The following CAGE1 variants were observed in gnomAD, a reference collection of about 807,000 sequenced individuals.
CAGE1 encodes cancer-associated gene 1 protein.
CAGE1 carries 66 observed loss-of-function variants against 94.9 expected under a neutral mutation model. The ratio of observed to expected loss-of-function variants is 0.70; its 90% CI spans 0.57 to 0.85. CAGE1 has a LOEUF of 0.85. CAGE1 is among the 40% of genes least tolerant of loss of function. The pLI, the probability that CAGE1 is intolerant of heterozygous loss-of-function variation, is 0.00. For missense variants in CAGE1, 865 were observed against 950.4 expected (o/e 0.91, Z 1.18); for synonymous variants, 319 against 321.0 (o/e 0.99, Z 0.07).
intron 10 of CAGE1, 29 bp from the exon 11 acceptor site, chr6:7,355,140 T>TGG: frequency 6.8e-7 from 1 of 1,476,330 alleles, no homozygotes; most frequent in Non-Finnish European, 9.3e-7. Flanking sequence ...AACCAATTAT[T>TGG]TTTCATTCTA....
intron 3 of CAGE1, among the ~76,000 whole-genome samples, chr6:7,384,704 T>C (rs1277862869): frequency 6.6e-6 from 1 of 151,690 alleles, no homozygotes; most frequent in Non-Finnish European, 1.5e-5. Flanking sequence ...TGGGGTTAAA[T>C]CAACACACAG....
intron 5 of CAGE1, among the ~76,000 whole-genome samples, chr6:7,370,466 C>A (rs1370965773): frequency 6.6e-6 from 1 of 151,946 alleles, no homozygotes; most frequent in African/African-American, 2.4e-5. Context: ...GCTAATTTTT[C>A]AAATTTTTTG....
chr6:7,339,407 T>G lies in CAGE1; in HGVS notation c.2370-5317A>C. ...CCTTCTCACCAAGAACATTCTGTGTTCTGGTGGCTAAGACAATGATTTCTG... is the reference window on the plus strand; with the variant it reads ...CCTTCTCACCAAGAACATTCTGTGTGCTGGTGGCTAAGACAATGATTTCTG... On this transcript the variant is annotated intron_variant, in intron 11 of 13. Transcript: ENST00000502583. The surrounding 1 kb of genome is among the most constrained non-coding windows in gnomAD (Gnocchi z 4.7). 4 of 1,573,976 alleles carry G rather than the reference T, an allele frequency of 2.5e-6. No individual in the cohort carries two copies. Among genetic ancestry groups the G allele is most frequent in the Non-Finnish European group, 3.5e-6 (4 of 1,144,652 alleles).
At chr6:7,370,322 G>T (rs1760496536) in intron 5 of CAGE1, among the ~76,000 whole-genome samples, 1 of 152,126 alleles carries the variant, frequency 6.6e-6, no homozygotes, top group East Asian at 1.9e-4. Flanking sequence ...TTGAGCCAGG[G>T]TCTCACTGTC....
intron 9 of CAGE1, among the ~76,000 whole-genome samples, chr6:7,357,675 T>G (rs377005597): frequency 6.6e-6 from 1 of 152,116 alleles, no homozygotes; most frequent in East Asian, 1.9e-4. Context: ...AAATACAACA[T>G]TTTGAGTTTC....
intron 1 of CAGE1, among the ~76,000 whole-genome samples, chr6:7,388,010 G>A (rs371651063): frequency 1.5e-3 from 218 of 147,568 alleles, no homozygotes; most frequent in Middle Eastern, 0.014. Flanking sequence ...TCCAGCCTGG[G>A]TGACAGAGCA....
chr6:7,372,827 C>T (rs947268701), intron 5 of CAGE1, among the ~76,000 whole-genome samples: 1 of 152,080 alleles, frequency 6.6e-6, no homozygotes, highest in African/African-American at 2.4e-5. Flanking sequence ...CACCACCATG[C>T]ATGACAGATT....
In CAGE1 at chr6:7,329,888, T is replaced by C. The variant is rs1758684888; in HGVS notation, c.2439A>G (p.Arg813=). The change falls in exon 13 of 14, where the codon AGA becomes AGG. Residue 813 remains arginine (R), a splice_region_variant and synonymous_variant. Transcript: ENST00000502583. ...TCGGATGATTTTCTAAGCTTTTTGA[T>C]CTGTAAGAAATAGAAAGAAAATAAT... ...RKPREKARKP[R]SKSLENHPKS... The C allele has an allele frequency of 1.4e-6, 2 of 1,410,218 alleles. No homozygotes were observed. Among genetic ancestry groups the C allele is most frequent in the Non-Finnish European group, 2.0e-6 (2 of 1,009,662 alleles). The allele number at this position is 1,410,218 out of a possible 1,614,324, so 87.4% of individuals were successfully genotyped here.
chr6:7,389,151 A>AAACTCGCAAAC (rs1761244472), intron 1 of CAGE1, 51 bp downstream of exon 1: 1 of 408,292 alleles, frequency 2.4e-6, no homozygotes, highest in Admixed American at 2.8e-5. Flanking sequence ...AGTTACTCGC[A>AAACTCGCAAAC]AAAACTATAG....
chr6:7,381,488 C>A (rs997410272), intron 3 of CAGE1, among the ~76,000 whole-genome samples: 1 of 151,824 alleles, frequency 6.6e-6, no homozygotes, highest in African/African-American at 2.4e-5. Flanking sequence ...TATGGCAGCC[C>A]CAGTAAACTA....
rs575303190 is a variant in CAGE1 at position 7,369,454 on chromosome 6, C to A, written c.1893+465G>T. ...GTTACACAGCTAGGAAATGATAAGC[C>A]AGCATCTGAACTCATCTGACAGCAA... On this transcript the variant is annotated intron_variant, in intron 6 of 13. Coordinates refer to ENST00000502583, the MANE Select transcript of CAGE1 (RefSeq NM_001170692.2). Among the ~76,000 whole-genome samples the A allele has an allele frequency of 1.9e-4, 29 of 152,256 alleles. No homozygotes were observed. In the South Asian group the frequency reaches 5.0e-3, roughly 26 times the overall value.
rs1397637400 is a variant in CAGE1, at chr6:7,333,632, ATCTAAC to A, written c.2438+384_2438+389del. 4.6e-3 allele frequency among the ~76,000 whole-genome samples: 291 copies of A among 63,490 alleles called. 2 individuals are homozygous for A. Among genetic ancestry groups the A allele is most frequent in the African/African-American group, 0.026 (269 of 10,360 alleles). 41.7% of individuals were successfully genotyped at this position (63,490 alleles called of 152,430 possible). On this transcript the variant is annotated intron_variant, in intron 12 of 13. Transcript: ENST00000502583. ...TTTTTTAAGTATTATCTAACTATCT[ATCTAAC>A]TATCTATATATATATATATATATAT...
chr6:7,328,362 T>C (rs527706500), intron 13 of CAGE1, among the ~76,000 whole-genome samples: 1 of 152,298 alleles, frequency 6.6e-6, no homozygotes, highest in African/African-American at 2.4e-5. Context: ...AAGGGTATAG[T>C]GTGAGCACAT....
chr6:7,351,896 C>G (rs915926525), intron 11 of CAGE1, among the ~76,000 whole-genome samples: 1 of 152,106 alleles, frequency 6.6e-6, no homozygotes, highest in Admixed American at 6.6e-5. Context: ...GTAATAAAAG[C>G]CATCTATGAC....
intron 11 of CAGE1, among the ~76,000 whole-genome samples, chr6:7,345,146 TA>T (rs1759400223): frequency 2.4e-5 from 1 of 42,514 alleles, no homozygotes; most frequent in East Asian, 8.2e-4. Flanking sequence ...TTTTAGGAGC[TA>T]GGTCCATATT....
Position 7,374,068 on chromosome 6 carries a change from C to T in CAGE1, c.751G>A (p.Glu251Lys). ...GEIPEMSVSY[E>K]KEVTAEGVER... ...ACACCCTCTGCTGTGACTTCCTTTTCATAACTGACTGACATCTCAGGAATC... is the reference window on the plus strand; with the variant it reads ...ACACCCTCTGCTGTGACTTCCTTTTTATAACTGACTGACATCTCAGGAATC... The change falls in exon 5 of 14, where the codon GAA becomes AAA. Residue 251 changes from glutamate to lysine, a missense_variant. By Grantham distance (56) the Glu-to-Lys change is moderately conservative. Transcript: ENST00000502583. 1 of 1,613,976 alleles carries T rather than the reference C, an allele frequency of 6.2e-7. No homozygotes were observed. The highest frequency in any genetic ancestry group is 8.5e-7 in the Non-Finnish European group (1 of 1,179,898).
At chr6:7,367,798 G>C (rs545076029) in intron 7 of CAGE1, among the ~76,000 whole-genome samples, 1 of 152,138 alleles carries the variant, frequency 6.6e-6, no homozygotes, top group Non-Finnish European at 1.5e-5. Flanking sequence ...GTTTGAATAC[G>C]TTTTGATTCC....
At chr6:7,365,970 GCGTAGTGGCT>G in intron 7 of CAGE1, 86 bp from the exon 8 acceptor site, 4 of 820,628 alleles carry the variant, frequency 4.9e-6, no homozygotes, top group Non-Finnish European at 7.5e-6. Context: ...ACCGGGCCGG[GCGTAGTGGCT>G]CATGCCTATA....
At chr6:7,336,187 A>T (rs1449933668) in intron 11 of CAGE1, among the ~76,000 whole-genome samples, 2 of 152,238 alleles carry the variant, frequency 1.3e-5, no homozygotes, top group Non-Finnish European at 2.9e-5. Flanking sequence ...ACATGGAATA[A>T]ATCTTCTGTA....
Sources: gnomAD v4.1 joint callset for allele counts (sites outside exome capture counted in the v4.1 genomes callset) on GRCh38, gnomAD v4.1.1 for gene constraint, Gnocchi (gnomAD v3.1) non-coding constraint, MANE v1.5 for transcripts, NCBI Gene and HGNC (gene_info 2026-07-23, HGNC 2026-07-21) for gene names.